Variants in CORIN observed in about 807,000 individuals in gnomAD.
CORIN encodes the protein atrial natriuretic peptide-converting enzyme.
CORIN carries 117 observed loss-of-function variants against 125.3 expected under a neutral mutation model. That is an observed-to-expected ratio of 0.93 (90% CI 0.80 to 1.09). CORIN has a LOEUF of 1.09. Ranked by LOEUF, CORIN falls within the 50% of genes least tolerant of loss-of-function variation. The pLI is 0.00. For synonymous variants in CORIN, 450 were observed against 466.4 expected (o/e 0.96, Z 0.45); for missense variants, 1,253 against 1,306.7 (o/e 0.96, Z 0.63).
At chr4:47,658,642 G>A (rs1396196526) in intron 12 of CORIN, among the ~76,000 whole-genome samples, 8 of 152,230 alleles carry the variant, frequency 5.3e-5, no homozygotes, top group Non-Finnish European at 1.0e-4. Context: ...CCTGGGCCTG[G>A]CCCATAAAAC....
chr4:47,632,758 G>T lies in CORIN; in HGVS notation c.2199-6237C>A, dbSNP rs571904038. ...AGATAGATAGATAGATAGATAGATA[G>T]ATAGATAGAGATAGATAGTTAGATA... On this transcript the variant is annotated intron_variant, in intron 16 of 21. Coordinates refer to ENST00000273857, the MANE Select transcript of CORIN (RefSeq NM_006587.4). 2.5e-3 allele frequency among the ~76,000 whole-genome samples: 247 copies of T among 99,242 alleles called. 2 individuals are homozygous for T. The highest frequency in any genetic ancestry group is 8.8e-3 in the African/African-American group (221 of 25,034). The allele number at this position is 99,242 out of a possible 152,430, so 65.1% of individuals were successfully genotyped here.
intron 5 of CORIN, among the ~76,000 whole-genome samples, chr4:47,726,794 G>T (rs754456549): frequency 2.6e-5 from 4 of 151,942 alleles, no homozygotes. Context: ...TTACTAGTTA[G>T]ATAAATTTTA....
chr4:47,630,388 T>C (rs17572478), intron 16 of CORIN, among the ~76,000 whole-genome samples: 2,670 of 152,342 alleles, frequency 0.018, 31 homozygotes, highest in Admixed American at 0.026. Flanking sequence ...TGATTGGGAT[T>C]GCTTTTGACT....
At chr4:47,761,596 T>C (rs556038391) in intron 4 of CORIN, among the ~76,000 whole-genome samples, 1 of 152,170 alleles carries the variant, frequency 6.6e-6, no homozygotes, top group South Asian at 2.1e-4. Flanking sequence ...GGACACTTCG[T>C]TAAGTGGCGT....
intron 6 of CORIN, among the ~76,000 whole-genome samples, chr4:47,686,102 A>G (rs748088674): frequency 3.3e-5 from 5 of 150,142 alleles, no homozygotes; most frequent in Non-Finnish European, 7.4e-5. Flanking sequence ...ATCAGTTAAA[A>G]CATTAGGCTT....
chr4:47,786,747 C>T lies in CORIN; in HGVS notation c.387G>A (p.Gly129=). The T allele has an allele frequency of 6.2e-7, 1 of 1,614,034 alleles. No homozygotes were observed. The highest frequency in any genetic ancestry group is 1.3e-5 in the African/African-American group (1 of 75,016). ...TACTTGTATTCCTGTGACTTTGGTCCCCTGGGAGAGAAGCATCCGTAGTCC... is the reference window on the plus strand; with the variant it reads ...TACTTGTATTCCTGTGACTTTGGTCTCCTGGGAGAGAAGCATCCGTAGTCC... ...PAWTTDASLP[G]DQSHRNTSAC... The change falls in exon 3 of 22, where the codon GGG becomes GGA. Residue 129 remains glycine (G), a synonymous_variant. Transcript: ENST00000273857.
chr4:47,693,808 C>T (rs1471231722), intron 5 of CORIN, among the ~76,000 whole-genome samples: 1 of 151,996 alleles, frequency 6.6e-6, no homozygotes, highest in East Asian at 1.9e-4. Flanking sequence ...TTACAGTAGA[C>T]AATAAATTTA....
rs17654308 is a variant in CORIN at position 47,699,719 on chromosome 4, A to T, written c.800-6636T>A. The stretch of plus-strand genomic sequence containing the variant: ...ATGAATATCTTACAACTTATTATTT[A>T]CATTGCTAGGAGAATAAACTACTGA... On this transcript the variant is annotated intron_variant, in intron 5 of 21. Transcript: ENST00000273857. Among the ~76,000 whole-genome samples, 626 of 152,356 alleles carry T rather than the reference A, an allele frequency of 4.1e-3. 38 individuals are homozygous for T. In the East Asian group the frequency reaches 0.1, roughly 24 times the overall value.
chr4:47,599,010 A>T (rs1194646941), intron 21 of CORIN, among the ~76,000 whole-genome samples: 2 of 152,174 alleles, frequency 1.3e-5, no homozygotes, highest in East Asian at 1.9e-4. Context: ...CTATCTAGAG[A>T]GGTTAGATAA....
intron 4 of CORIN, among the ~76,000 whole-genome samples, chr4:47,757,886 A>ATATATATGTG (rs1553916072): frequency 1.6e-4 from 23 of 142,646 alleles, no homozygotes; most frequent in African/African-American, 5.5e-4. Context: ...ATGTATATAT[A>ATATATATGTG]TATATATATA....
intron 19 of CORIN, among the ~76,000 whole-genome samples, chr4:47,614,193 T>TTG (rs1721983678): frequency 1.3e-5 from 2 of 151,916 alleles, no homozygotes; most frequent in Admixed American, 6.5e-5. Context: ...AATTTCTTTT[T>TTG]TTGTTGTTGT....
At chr4:47,832,720 G>C (rs543046011) in intron 1 of CORIN, among the ~76,000 whole-genome samples, 1 of 151,970 alleles carries the variant, frequency 6.6e-6, no homozygotes, top group East Asian at 1.9e-4. Context: ...ATCCCAGTGA[G>C]CCACTGTGCC....
intron 19 of CORIN, among the ~76,000 whole-genome samples, chr4:47,613,420 T>C (rs1721944517): frequency 6.6e-6 from 1 of 152,056 alleles, no homozygotes; most frequent in South Asian, 2.1e-4. Flanking sequence ...GCCATTGCAC[T>C]CCAGCCTGAG....
rs771867590 is a variant in CORIN at position 47,623,096 on chromosome 4, C to CTCTCTCTCTATATA, written c.2540+474_2540+475insTATATAGAGAGAGA. ...TCTCTCTCTCTCTCTCTCTCTCTCT[C>CTCTCTCTCTATATA]TATATATATATATATATATATACAC... On this transcript the variant is annotated intron_variant, in intron 19 of 21. Coordinates refer to ENST00000273857, the MANE Select transcript of CORIN (RefSeq NM_006587.4). Among the ~76,000 whole-genome samples, 445 of 102,198 alleles carry CTCTCTCTCTATATA rather than the reference C, an allele frequency of 4.4e-3. 1 individual carries two copies. Among genetic ancestry groups the CTCTCTCTCTATATA allele is most frequent in the East Asian group, 0.018 (45 of 2,508 alleles). The allele number at this position is 102,198 out of a possible 152,430, so 67.0% of individuals were successfully genotyped here.
At chr4:47,633,551 G>A (rs1722919008) in intron 16 of CORIN, among the ~76,000 whole-genome samples, 1 of 152,088 alleles carries the variant, frequency 6.6e-6, no homozygotes, top group South Asian at 2.1e-4. Flanking sequence ...ACCTCTTTTG[G>A]AATCTATGCC....
intron 5 of CORIN, among the ~76,000 whole-genome samples, chr4:47,722,499 C>A (rs902678493): frequency 2.0e-5 from 3 of 152,160 alleles, no homozygotes; most frequent in Non-Finnish European, 2.9e-5. Flanking sequence ...GAGTTCCAAA[C>A]ACATAGACAA....
At chr4:47,666,618 G>A (rs1326803911) in intron 10 of CORIN, among the ~76,000 whole-genome samples, 3 of 152,078 alleles carry the variant, frequency 2.0e-5, no homozygotes, top group African/African-American at 7.2e-5. Flanking sequence ...GAGGTGATGA[G>A]GTTTCAATGA....
chr4:47,757,878 G>GTATA (rs59621469), intron 4 of CORIN, among the ~76,000 whole-genome samples: 18,849 of 123,666 alleles, frequency 0.15, 1,545 homozygotes, highest in South Asian at 0.22. Flanking sequence ...ATATATATAT[G>GTATA]TATATATATA....
chr4:47,779,047 A>T (rs1195780440), intron 3 of CORIN, among the ~76,000 whole-genome samples: 1 of 152,234 alleles, frequency 6.6e-6, no homozygotes, highest in Non-Finnish European at 1.5e-5. Flanking sequence ...CCCAACTGAA[A>T]TTTAGTATAA....
Sources: gnomAD v4.1 joint callset for allele counts (sites outside exome capture counted in the v4.1 genomes callset) on GRCh38, gnomAD v4.1.1 for gene constraint, MANE v1.5 for transcripts, NCBI Gene and HGNC (gene_info 2026-07-23, HGNC 2026-07-21) for gene names.